The following LPP variants were observed in gnomAD, a reference collection of about 807,000 sequenced individuals.
The protein encoded by LPP is lipoma-preferred partner.
A neutral mutation model predicts 60.4 loss-of-function variants in LPP; 38 were observed. The ratio of observed to expected loss-of-function variants is 0.63; its 90% CI spans 0.49 to 0.83. LPP has a LOEUF of 0.83. Ranked by LOEUF, LPP falls within the 40% of genes least tolerant of loss-of-function variation. The pLI is 0.00. For missense variants in LPP, 902 were observed against 783.6 expected (o/e 1.15, Z -1.80); for synonymous variants, 328 against 290.8 (o/e 1.13, Z -1.30).
intron 7 of LPP, among the ~76,000 whole-genome samples, chr3:188,611,164 C>T (rs1447006461): frequency 6.6e-6 from 1 of 152,166 alleles, no homozygotes; most frequent in Non-Finnish European, 1.5e-5. Context: ...ACAGTGGGGA[C>T]TGTGAAGAGC....
chr3:188,232,504 A>ATTTTTTTTTT (rs71634069), intron 2 of LPP, among the ~76,000 whole-genome samples: 3,238 of 102,756 alleles, frequency 0.032, no homozygotes, highest in East Asian at 0.038. Flanking sequence ...ACACCCGGCT[A>ATTTTTTTTTT]TTTTTTTTTT....
At chr3:188,333,473 A>G (rs896129239) in intron 2 of LPP, among the ~76,000 whole-genome samples, 4 of 152,210 alleles carry the variant, frequency 2.6e-5, no homozygotes, top group African/African-American at 7.2e-5. Flanking sequence ...GAAGAATAAA[A>G]TCATTTATCT....
chr3:188,302,594 C>G (rs1310525829), intron 2 of LPP, among the ~76,000 whole-genome samples: 2 of 152,112 alleles, frequency 1.3e-5, no homozygotes, highest in African/African-American at 2.4e-5. Context: ...TTTGTTTAAC[C>G]TAATCTGAGT....
rs142073956 is a variant in LPP, at chr3:188,821,444, C to G, written c.1411-44756C>G. Among the ~76,000 whole-genome samples, 57 of 150,928 alleles carry G rather than the reference C, an allele frequency of 3.8e-4. No homozygotes were observed. The East Asian group carries it at 9.5e-3, about 25-fold the overall frequency. ...TTTAGATATTCTTTATTATGATGTT[C>G]ATCATTTTTACAGAAACACATTTCC... On this transcript the variant is annotated intron_variant, in intron 9 of 11. Coordinates refer to ENST00000617246, the MANE Select transcript of LPP (RefSeq NM_001375462.1).
chr3:188,592,354 T>TCA (rs140003103), intron 6 of LPP, among the ~76,000 whole-genome samples: 6 of 149,570 alleles, frequency 4.0e-5, no homozygotes, highest in South Asian at 2.1e-4. Flanking sequence ...ACGCACACAG[T>TCA]CACACACACA....
intron 7 of LPP, among the ~76,000 whole-genome samples, chr3:188,663,397 G>A (rs989490599): frequency 2.6e-5 from 4 of 152,080 alleles, no homozygotes; most frequent in African/African-American, 4.8e-5. Context: ...TCCACAGGAG[G>A]GTTTATTTTT....
intron 7 of LPP, among the ~76,000 whole-genome samples, chr3:188,651,716 G>A (rs865899781): frequency 2.0e-5 from 3 of 152,078 alleles, no homozygotes; most frequent in African/African-American, 4.8e-5. Flanking sequence ...GGGATCTCAC[G>A]AGACTTATTT....
At chr3:188,348,311 TA>T (rs1471784808) in intron 3 of LPP, among the ~76,000 whole-genome samples, 2 of 152,156 alleles carry the variant, frequency 1.3e-5, no homozygotes, top group African/African-American at 4.8e-5. Context: ...CACGCCCAGC[TA>T]ATTTTTTGTA....
chr3:188,505,017 G>C (rs1294569253), intron 5 of LPP, among the ~76,000 whole-genome samples: 1 of 152,198 alleles, frequency 6.6e-6, no homozygotes, highest in African/African-American at 2.4e-5. Flanking sequence ...CATGTGCACA[G>C]ATGCCTGCCA....
chr3:188,542,507 T>A (rs1019672), intron 6 of LPP, among the ~76,000 whole-genome samples: 59,268 of 152,046 alleles, frequency 0.39, 13,334 homozygotes, highest in East Asian at 0.92. Flanking sequence ...TATTTTTTCT[T>A]TTCTAGTCTC....
At chr3:188,734,707 G>C (rs1337667485) in intron 8 of LPP, among the ~76,000 whole-genome samples, 2 of 152,232 alleles carry the variant, frequency 1.3e-5, no homozygotes, top group African/African-American at 4.8e-5. Flanking sequence ...CATCTGTCTG[G>C]GCTGGTTTTA....
At chr3:188,327,338 AT>A (rs1758704962) in intron 2 of LPP, among the ~76,000 whole-genome samples, 1 of 152,214 alleles carries the variant, frequency 6.6e-6, no homozygotes, top group Non-Finnish European at 1.5e-5. Context: ...GGTAAGAGAT[AT>A]CTTAGTTATA....
chr3:188,738,263 A>G (rs1267693364), intron 8 of LPP, among the ~76,000 whole-genome samples: 1 of 152,162 alleles, frequency 6.6e-6, no homozygotes, highest in African/African-American at 2.4e-5. Flanking sequence ...GAAAACAACA[A>G]TAAACACAGT....
At chr3:188,329,225 G>A (rs1165513612) in intron 2 of LPP, among the ~76,000 whole-genome samples, 1 of 152,186 alleles carries the variant, frequency 6.6e-6, no homozygotes, top group Non-Finnish European at 1.5e-5. Flanking sequence ...GTCTAAGATG[G>A]CAGCACAAGT....
intron 2 of LPP, among the ~76,000 whole-genome samples, chr3:188,294,473 C>A (rs1395000082): frequency 6.6e-6 from 1 of 152,152 alleles, no homozygotes; most frequent in African/African-American, 2.4e-5. Context: ...GTAAATAAGT[C>A]ATGCATGCTT....
intron 6 of LPP, among the ~76,000 whole-genome samples, chr3:188,605,625 T>TG (rs1842241956): frequency 1.3e-5 from 2 of 152,166 alleles, no homozygotes; most frequent in African/African-American, 4.8e-5. Flanking sequence ...GCCATGGTCC[T>TG]GGAGACAATC....
chr3:188,248,467 T>TTTATATATATAG (rs1036182227), intron 2 of LPP, among the ~76,000 whole-genome samples: 7 of 114,772 alleles, frequency 6.1e-5, no homozygotes, highest in Non-Finnish European at 1.2e-4. Flanking sequence ...GCAGTATAAC[T>TTTATATATATAG]TTATATATAT....
intron 2 of LPP, among the ~76,000 whole-genome samples, chr3:188,289,641 G>A (rs1745263556): frequency 6.6e-6 from 1 of 152,018 alleles, no homozygotes; most frequent in African/African-American, 2.4e-5. Flanking sequence ...GTAAACACAT[G>A]TTTTTTTCAT....
In LPP at chr3:188,715,175, C is replaced by A. The variant is rs376175632; in HGVS notation, c.1240+6782C>A. Among the ~76,000 whole-genome samples the A allele has an allele frequency of 9.2e-5, 14 of 151,996 alleles. 1 individual carries two copies. The highest frequency in any genetic ancestry group is 3.9e-4 in the East Asian group (2 of 5,136). On this transcript the variant is annotated intron_variant, in intron 8 of 11. Coordinates refer to ENST00000617246, the MANE Select transcript of LPP (RefSeq NM_001375462.1). ...TGGGCAGATCACGAGGTCAAGAGAT[C>A]AAGACCATCCTGGCCAACATGGTGA...
Sources: allele counts gnomAD v4.1 joint callset (sites outside exome capture counted in the v4.1 genomes callset), GRCh38; gene constraint gnomAD v4.1.1; transcripts MANE v1.5; gene names NCBI Gene and HGNC (gene_info 2026-07-23, HGNC 2026-07-21).